Variants in FBXL17 observed in about 807,000 individuals in gnomAD.
FBXL17 encodes the protein F-box and leucine rich repeat protein 17.
A neutral mutation model predicts 66.2 loss-of-function variants in FBXL17; 22 were observed. The ratio of observed to expected loss-of-function variants is 0.33; its 90% CI spans 0.24 to 0.47. The LOEUF (loss-of-function observed/expected upper bound fraction) is 0.47. Among genes scored for constraint, FBXL17 ranks in the 20% least tolerant of loss-of-function variants. FBXL17 has a pLI of 1.00. For synonymous variants in FBXL17, 474 were observed against 400.5 expected (o/e 1.18, Z -2.19); for missense variants, 878 against 948.2 (o/e 0.93, Z 0.97).
At chr5:108,191,642 C>T (rs1270619075) in intron 5 of FBXL17, among the ~76,000 whole-genome samples, 3 of 152,068 alleles carry the variant, frequency 2.0e-5, no homozygotes, top group Non-Finnish European at 4.4e-5. Context: ...TTGTGAAAAT[C>T]CAAAAATATC....
chr5:108,354,145 A>G (rs1007712952), intron 3 of FBXL17, among the ~76,000 whole-genome samples: 5 of 152,218 alleles, frequency 3.3e-5, no homozygotes, highest in Non-Finnish European at 7.3e-5. Flanking sequence ...AGGGACATTC[A>G]ACCTGTGCAT....
At chr5:108,133,568 G>A (rs1195253131) in intron 6 of FBXL17, among the ~76,000 whole-genome samples, 4 of 152,070 alleles carry the variant, frequency 2.6e-5, no homozygotes, top group African/African-American at 9.7e-5. Context: ...AATTCTCAGT[G>A]CCTACCATGA....
intron 6 of FBXL17, among the ~76,000 whole-genome samples, chr5:108,090,986 TTTG>T (rs1215698451): frequency 1.3e-4 from 20 of 152,224 alleles, no homozygotes; most frequent in Non-Finnish European, 2.2e-4. Context: ...CCACTAAGTT[TTTG>T]TTGTTGTTGT....
intron 4 of FBXL17, among the ~76,000 whole-genome samples, chr5:108,278,582 C>G (rs1193201503): frequency 6.6e-6 from 1 of 152,178 alleles, no homozygotes; most frequent in Non-Finnish European, 1.5e-5. Flanking sequence ...TCCAATGGCC[C>G]AGGACTGAGT....
chr5:108,208,627 G>A lies in FBXL17; in HGVS notation c.1614+15494C>T, dbSNP rs1431533634. ...TCAAAGATCAGATGGTTGTAGATAC[G>A]TGGTGTTATTTCTTAGGTCTCTGTT... On this transcript the variant is annotated intron_variant, in intron 5 of 8. Coordinates refer to ENST00000542267, the MANE Select transcript of FBXL17 (RefSeq NM_001163315.3). 2.6e-5 allele frequency among the ~76,000 whole-genome samples: 4 copies of A among 152,092 alleles called. No homozygotes were observed. In the East Asian group the frequency reaches 5.8e-4, roughly 22 times the overall value.
At chr5:108,247,183 C>T (rs1580686119) in intron 4 of FBXL17, among the ~76,000 whole-genome samples, 1 of 152,242 alleles carries the variant, frequency 6.6e-6, no homozygotes. Flanking sequence ...GTAAAAATTG[C>T]CCTGGCTTCG....
chr5:108,157,331 A>C (rs1044417181), intron 6 of FBXL17, among the ~76,000 whole-genome samples: 6 of 152,030 alleles, frequency 3.9e-5, no homozygotes, highest in African/African-American at 1.4e-4. Flanking sequence ...CAGTAGTATT[A>C]ATACACATTC....
At chr5:108,040,185 C>A (rs1363609508) in intron 6 of FBXL17, among the ~76,000 whole-genome samples, 1 of 152,016 alleles carries the variant, frequency 6.6e-6, no homozygotes, top group Non-Finnish European at 1.5e-5. Context: ...CTAACACGAG[C>A]CTCTAATCAT....
At chr5:108,231,999 C>T (rs1262116885) in intron 4 of FBXL17, among the ~76,000 whole-genome samples, 5 of 136,722 alleles carry the variant, frequency 3.7e-5, no homozygotes, top group Non-Finnish European at 8.3e-5. Flanking sequence ...TGCTGAGGTG[C>T]TTGCTGAAGG....
intron 7 of FBXL17, among the ~76,000 whole-genome samples, chr5:107,989,293 AC>A (rs1286650713): frequency 6.6e-6 from 1 of 151,270 alleles, no homozygotes; most frequent in African/African-American, 2.4e-5. Context: ...ATCTCTCCCT[AC>A]CCCCTTCCCA....
At chr5:108,307,615 T>G (rs10071499) in intron 4 of FBXL17, among the ~76,000 whole-genome samples, 113,468 of 151,922 alleles carry the variant, frequency 0.75, 42,723 homozygotes, top group East Asian at 0.93. Flanking sequence ...GCCATATTTT[T>G]TTTTGTTGTA....
intron 7 of FBXL17, among the ~76,000 whole-genome samples, chr5:108,014,673 G>C (rs924682507): frequency 6.6e-6 from 1 of 152,104 alleles, no homozygotes; most frequent in Non-Finnish European, 1.5e-5. Context: ...AAAGGAGAAA[G>C]GAGAAAAGAT....
chr5:108,341,496 A>C (rs986451457), intron 4 of FBXL17, among the ~76,000 whole-genome samples: 2 of 152,118 alleles, frequency 1.3e-5, no homozygotes, highest in Non-Finnish European at 2.9e-5. Flanking sequence ...AACAACTGTC[A>C]ATTTATGGGT....
chr5:108,273,568 A>G (rs1254405556), intron 4 of FBXL17, among the ~76,000 whole-genome samples: 1 of 151,584 alleles, frequency 6.6e-6, no homozygotes, highest in African/African-American at 2.4e-5. Context: ...AATTTGTACA[A>G]TATTTCCAAA....
chr5:108,178,160 T>G (rs985360586), intron 6 of FBXL17, among the ~76,000 whole-genome samples: 8 of 151,926 alleles, frequency 5.3e-5, no homozygotes, highest in African/African-American at 1.9e-4. Flanking sequence ...TCCTCCCAGC[T>G]CAGCCTCCTC....
At position 107,859,392 on chromosome 5, in the gene FBXL17, T is replaced by G. The variant is rs1379665112; in HGVS notation, c.*2328A>C. On this transcript the variant is annotated 3_prime_UTR_variant, in exon 9 of 9. Transcript: ENST00000542267. ...CAAGGTGATGCTTTTTTCTGGCTGT[T>G]TTTTTTTTTTTTTTTTTTTTTTTTT... 5 of 25,824 alleles carry G rather than the reference T, an allele frequency of 1.9e-4. No homozygotes were observed. The highest frequency in any genetic ancestry group is 6.8e-4 in the African/African-American group (4 of 5,870). 1.6% of individuals were successfully genotyped at this position (25,824 alleles called of 1,614,324 possible). A position where few individuals can be genotyped will look rare whatever the true frequency, so the allele number is the denominator to read the frequency against.
chr5:108,268,488 T>C (rs531575511), intron 4 of FBXL17, among the ~76,000 whole-genome samples: 4 of 152,178 alleles, frequency 2.6e-5, no homozygotes, highest in African/African-American at 9.6e-5. Flanking sequence ...GTTTTTCTTC[T>C]GAGATGCATC....
intron 8 of FBXL17, among the ~76,000 whole-genome samples, chr5:107,877,483 G>A (rs941237040): frequency 1.3e-5 from 2 of 152,142 alleles, no homozygotes; most frequent in African/African-American, 4.8e-5. Context: ...TTCCTCAAAA[G>A]GTGAAATGAG....
At chr5:108,046,405 A>T (rs1372867234) in intron 6 of FBXL17, among the ~76,000 whole-genome samples, 1 of 152,214 alleles carries the variant, frequency 6.6e-6, no homozygotes, top group African/African-American at 2.4e-5. Flanking sequence ...GTAAATCTGT[A>T]TCTTTTAATT....
Sources: gnomAD v4.1 joint callset for allele counts (sites outside exome capture counted in the v4.1 genomes callset) on GRCh38, gnomAD v4.1.1 for gene constraint, MANE v1.5 for transcripts, NCBI Gene and HGNC (gene_info 2026-07-23, HGNC 2026-07-21) for gene names.